Variants in CNTN5 observed in about 807,000 individuals in gnomAD.
CNTN5 encodes contactin 5.
CNTN5 carries 77 observed loss-of-function variants against 129.1 expected under a neutral mutation model. That is an observed-to-expected ratio of 0.60 (90% confidence interval 0.50 to 0.72). The LOEUF is 0.72. CNTN5 is among the 30% of genes least tolerant of loss of function. The pLI, the probability that CNTN5 is intolerant of heterozygous loss-of-function variation, is 0.00. For synonymous variants in CNTN5, 509 were observed against 465.6 expected (o/e 1.09, Z -1.20); for missense variants, 1,478 against 1,328.8 (o/e 1.11, Z -1.75).
intron 6 of CNTN5, among the ~76,000 whole-genome samples, chr11:99,849,796 G>A (rs1413453464): frequency 2.0e-5 from 3 of 152,036 alleles, no homozygotes; most frequent in African/African-American, 7.2e-5. Context: ...GTTGTAAAAT[G>A]TAAATTCATT....
At chr11:99,769,456 T>A (rs1238407749) in intron 3 of CNTN5, among the ~76,000 whole-genome samples, 1 of 152,164 alleles carries the variant, frequency 6.6e-6, no homozygotes, top group Non-Finnish European at 1.5e-5. Flanking sequence ...TATATGGTTT[T>A]TCCTCACCTC....
intron 8 of CNTN5, among the ~76,000 whole-genome samples, chr11:99,962,844 G>A (rs9667718): frequency 0.19 from 28,524 of 146,594 alleles, 3,551 homozygotes; most frequent in African/African-American, 0.33. Context: ...TTTAATGATC[G>A]CCATTCTAAC....
At chr11:100,109,996 G>A (rs1383491938) in intron 13 of CNTN5, among the ~76,000 whole-genome samples, 2 of 151,938 alleles carry the variant, frequency 1.3e-5, no homozygotes, top group Non-Finnish European at 2.9e-5. Context: ...CTGGCAACAT[G>A]GTGAAACCCT....
In CNTN5 at chr11:99,733,104, T is replaced by C. The variant is rs148642936; in HGVS notation, c.56-86440T>C. On this transcript the variant is annotated intron_variant, in intron 3 of 24. Coordinates refer to ENST00000524871, the MANE Select transcript of CNTN5 (RefSeq NM_014361.4). ...ATTTTGGGAGGCCGAGGTGCATGGA[T>C]CACAAGGTCAGGAGTTCGAGACAAG... 9.3e-3 allele frequency among the ~76,000 whole-genome samples: 1,417 copies of C among 152,030 alleles called. 18 individuals are homozygous for C. Among genetic ancestry groups the C allele is most frequent in the African/African-American group, 0.031 (1,302 of 41,432 alleles).
intron 2 of CNTN5, among the ~76,000 whole-genome samples, chr11:99,325,961 G>C (rs1311109519): frequency 6.6e-6 from 1 of 152,206 alleles, no homozygotes; most frequent in Non-Finnish European, 1.5e-5. Flanking sequence ...GAGAGAGGTA[G>C]TGTCATCCCC....
intron 6 of CNTN5, among the ~76,000 whole-genome samples, chr11:99,895,560 A>G (rs1949183370): frequency 6.6e-6 from 1 of 152,192 alleles, no homozygotes; most frequent in Non-Finnish European, 1.5e-5. Context: ...CACATAGAGC[A>G]GAGAGGAATG....
chr11:99,117,286 ACTC>A (rs1184165324), intron 1 of CNTN5, among the ~76,000 whole-genome samples: 1 of 152,006 alleles, frequency 6.6e-6, no homozygotes, highest in Non-Finnish European at 1.5e-5. Flanking sequence ...CAAAAACTGA[ACTC>A]ACCCATATAA....
chr11:100,306,675 C>T (rs1036634462), intron 20 of CNTN5, among the ~76,000 whole-genome samples: 3 of 151,674 alleles, frequency 2.0e-5, no homozygotes, highest in African/African-American at 7.3e-5. Flanking sequence ...AGAATTTTAA[C>T]TCCCACTAAA....
chr11:99,662,786 C>G (rs1403537757), intron 3 of CNTN5, among the ~76,000 whole-genome samples: 1 of 152,116 alleles, frequency 6.6e-6, no homozygotes, highest in Non-Finnish European at 1.5e-5. Flanking sequence ...CAGGGCAGTA[C>G]TTTTTAGAAA....
intron 7 of CNTN5, among the ~76,000 whole-genome samples, chr11:99,951,244 G>A (rs905862313): frequency 8.8e-5 from 13 of 148,128 alleles, no homozygotes; most frequent in Middle Eastern, 3.5e-3. Flanking sequence ...AAAGTGGGGC[G>A]CACAGACCAA....
intron 9 of CNTN5, among the ~76,000 whole-genome samples, chr11:100,033,939 T>A (rs1167427145): frequency 6.6e-6 from 1 of 152,036 alleles, no homozygotes; most frequent in Non-Finnish European, 1.5e-5. Flanking sequence ...TCCATACACA[T>A]CCTTCTTTCC....
chr11:100,014,720 G>A (rs1348479275), intron 9 of CNTN5, among the ~76,000 whole-genome samples: 2 of 151,990 alleles, frequency 1.3e-5, no homozygotes, highest in Non-Finnish European at 2.9e-5. Context: ...ATTGTTCCCC[G>A]GACCTTATTC....
chr11:100,300,790 T>C (rs1951201011), intron 20 of CNTN5, among the ~76,000 whole-genome samples: 1 of 151,586 alleles, frequency 6.6e-6, no homozygotes, highest in African/African-American at 2.4e-5. Context: ...TCTGATGAGA[T>C]ACCAATTGCA....
intron 16 of CNTN5, among the ~76,000 whole-genome samples, chr11:100,228,889 G>T (rs999449719): frequency 2.6e-5 from 4 of 152,144 alleles, no homozygotes; most frequent in Non-Finnish European, 4.4e-5. Context: ...AGAGCTGTGG[G>T]GCTGGATATG....
At chr11:99,072,997 T>G (rs909422663) in intron 1 of CNTN5, among the ~76,000 whole-genome samples, 2 of 152,194 alleles carry the variant, frequency 1.3e-5, no homozygotes, top group African/African-American at 4.8e-5. Flanking sequence ...TATTCTCTAT[T>G]TCTGGCTTCT....
intron 1 of CNTN5, among the ~76,000 whole-genome samples, chr11:99,192,114 A>T (rs949047025): frequency 1.3e-5 from 2 of 151,788 alleles, no homozygotes; most frequent in Admixed American, 6.6e-5. Context: ...TGTAAAAGTC[A>T]GCATGCTTTA....
intron 9 of CNTN5, among the ~76,000 whole-genome samples, chr11:100,047,782 C>G (rs779337739): frequency 6.6e-6 from 1 of 152,028 alleles, no homozygotes; most frequent in Non-Finnish European, 1.5e-5. Flanking sequence ...AAGATTTACC[C>G]TCATCAGTGT....
chr11:99,524,874 T>C (rs1246493947), intron 2 of CNTN5, among the ~76,000 whole-genome samples: 3 of 152,262 alleles, frequency 2.0e-5, no homozygotes, highest in African/African-American at 7.2e-5. Flanking sequence ...ATTGTATAAA[T>C]ACTAAAATCC....
chr11:100,252,265 G>T (rs1949978221), intron 16 of CNTN5, among the ~76,000 whole-genome samples: 1 of 151,980 alleles, frequency 6.6e-6, no homozygotes, highest in Non-Finnish European at 1.5e-5. Context: ...AGCGTTGTTT[G>T]TCTATTTGCT....
Sources: allele counts gnomAD v4.1 joint callset (sites outside exome capture counted in the v4.1 genomes callset), GRCh38; gene constraint gnomAD v4.1.1; transcripts MANE v1.5; gene names NCBI Gene and HGNC (gene_info 2026-07-23, HGNC 2026-07-21).